The following TASOR variants were observed in gnomAD, a reference collection of about 807,000 sequenced individuals.
The protein encoded by TASOR is transcription activation suppressor, also known as protein TASOR.
In TASOR, 53 loss-of-function variants were observed where a neutral mutation model predicts 178.6. The observed-to-expected ratio is 0.30, with a 90% CI of 0.24 to 0.37. TASOR has a LOEUF of 0.37. TASOR is among the 10% of genes least tolerant of loss of function. TASOR has a pLI of 1.00. For missense variants in TASOR, 1,815 were observed against 1,971.4 expected (o/e 0.92, Z 1.50); for synonymous variants, 713 against 696.2 (o/e 1.02, Z -0.38).
chr3:56,668,025 T>G (rs1292281217), intron 6 of TASOR, among the ~76,000 whole-genome samples: 6 of 152,204 alleles, frequency 3.9e-5, no homozygotes, highest in African/African-American at 1.4e-4. Flanking sequence ...AACTTTACCT[T>G]GAAAGATGAG....
intron 20 of TASOR, 28 bp downstream of exon 20, chr3:56,627,550 GGAGT>G: frequency 5.0e-6 from 8 of 1,609,370 alleles, no homozygotes; most frequent in Non-Finnish European, 6.8e-6. Context: ...AGTCAGAAGA[GGAGT>G]TACGTGCTCA....
At chr3:56,671,172 C>T (rs977489028) in intron 3 of TASOR, among the ~76,000 whole-genome samples, 5 of 151,762 alleles carry the variant, frequency 3.3e-5, no homozygotes, top group African/African-American at 9.7e-5. Context: ...TACCCCGTCT[C>T]TACTAAAAAT....
intron 11 of TASOR, among the ~76,000 whole-genome samples, chr3:56,650,748 T>A (rs2077335008): frequency 6.6e-6 from 1 of 152,214 alleles, no homozygotes; most frequent in South Asian, 2.1e-4. Context: ...ATCATACTGC[T>A]GACATATAGT....
chr3:56,663,947 T>C (rs1297708676), intron 7 of TASOR: 1 of 777,642 alleles, frequency 1.3e-6, no homozygotes, highest in Non-Finnish European at 1.6e-6. Context: ...TAAGCTCTTA[T>C]TTACCAGGCA....
intron 11 of TASOR, among the ~76,000 whole-genome samples, chr3:56,658,746 A>C (rs1475723560): frequency 6.6e-6 from 1 of 152,180 alleles, no homozygotes; most frequent in Admixed American, 6.5e-5. Flanking sequence ...GTCTCTACTA[A>C]AAATACAAAA....
intron 8 of TASOR, among the ~76,000 whole-genome samples, chr3:56,663,052 C>T (rs1171432612): frequency 1.3e-5 from 2 of 151,814 alleles, no homozygotes; most frequent in South Asian, 2.1e-4. Flanking sequence ...TGGTGGTGGG[C>T]GCCTGTAATC....
At chr3:56,626,660 T>C (rs1037801329) in intron 21 of TASOR, among the ~76,000 whole-genome samples, 2 of 152,070 alleles carry the variant, frequency 1.3e-5, no homozygotes, top group South Asian at 2.1e-4. Flanking sequence ...GGAGAATTGC[T>C]TGAACCCAGG....
chr3:56,661,150 G>A, intron 9 of TASOR, 133 bp from the exon 10 acceptor site: 2 of 629,686 alleles, frequency 3.2e-6, no homozygotes, highest in Middle Eastern at 4.3e-4. Context: ...TTATTCTAAA[G>A]ATCTTTTGTT....
rs910356706 is a variant in TASOR, at chr3:56,621,878, T to C, written c.*1159A>G. On this transcript the variant is annotated 3_prime_UTR_variant, in exon 24 of 24. Coordinates refer to ENST00000683822, the MANE Select transcript of TASOR (RefSeq NM_001365635.2). ...TGTCACCACCTGGGTATTGAAGCCCTATAAAAACACTTTCTACTTACCTTA... is the reference window on the plus strand; with the variant it reads ...TGTCACCACCTGGGTATTGAAGCCCCATAAAAACACTTTCTACTTACCTTA... 9.8e-6 allele frequency: 2 copies of C among 203,564 alleles called. No individual in the cohort carries two copies. The highest frequency in any genetic ancestry group is 1.1e-4 in the Admixed American group (2 of 17,608). The allele number at this position is 203,564 out of a possible 1,614,324, so 12.6% of individuals were successfully genotyped here.
intron 8 of TASOR, among the ~76,000 whole-genome samples, chr3:56,663,044 G>C (rs2077631804): frequency 1.3e-5 from 2 of 152,066 alleles, no homozygotes; most frequent in African/African-American, 4.8e-5. Flanking sequence ...GCCGGGTGTG[G>C]TGGTGGGCGC....
chr3:56,650,684 C>G (rs939097009), intron 11 of TASOR, among the ~76,000 whole-genome samples: 2 of 152,080 alleles, frequency 1.3e-5, no homozygotes, highest in African/African-American at 2.4e-5. Context: ...GCTGAGGTGG[C>G]CTTGTTTCCT....
chr3:56,631,036 CA>C (rs2076901441), intron 18 of TASOR, among the ~76,000 whole-genome samples: 4 of 152,150 alleles, frequency 2.6e-5, no homozygotes, highest in Admixed American at 2.6e-4. Flanking sequence ...GCTATGCCCC[CA>C]AAGAGTACTG....
Position 56,623,199 on chromosome 3 carries a change from C to A in TASOR, c.4851G>T (p.Gln1617His), listed in dbSNP as rs755704056. 2 of 1,613,650 alleles carry A rather than the reference C, an allele frequency of 1.2e-6. No homozygotes were observed. The highest frequency in any genetic ancestry group is 2.2e-5 in the South Asian group (2 of 91,036). ...QFSHFNVLTH[Q>H]TFLGTPYALS... The stretch of plus-strand genomic sequence containing the variant: ...GGGCATATGGTGTCCCCAAAAATGT[C>A]TGATGAGTGAGAACATTAAAATGAC... The change falls in exon 24 of 24, where the codon CAG becomes CAT. Residue 1617 changes from glutamine (Q) to histidine (H), a missense_variant. Coordinates refer to ENST00000683822, the MANE Select transcript of TASOR (RefSeq NM_001365635.2).
At chr3:56,639,194 T>C (rs1280787652) in intron 16 of TASOR, among the ~76,000 whole-genome samples, 1 of 152,214 alleles carries the variant, frequency 6.6e-6, no homozygotes, top group African/African-American at 2.4e-5. Flanking sequence ...CAGCAGGTTC[T>C]AGTTTAGTTC....
Position 56,647,232 on chromosome 3 carries a change from A to AAAAC in TASOR, c.1514-13_1514-10dup. On this transcript the variant is annotated splice_polypyrimidine_tract_variant and intron_variant, in intron 13 of 23. Transcript: ENST00000683822. ...GGTTGAACCTTTTTGTGCTGTAAAT[A>AAAAC]AAACAAACAAACAAAAAAGCAAACC... The AAAAC allele has an allele frequency of 6.6e-7, 1 of 1,515,816 alleles. No individual in the cohort carries two copies. Among genetic ancestry groups the AAAAC allele is most frequent in the Non-Finnish European group, 8.8e-7 (1 of 1,138,864 alleles). 93.9% of individuals were successfully genotyped at this position (1,515,816 alleles called of 1,614,324 possible).
chr3:56,671,535 C>A, intron 3 of TASOR, 65 bp downstream of exon 3: 2 of 1,207,432 alleles, frequency 1.7e-6, no homozygotes, highest in Admixed American at 2.4e-5. Context: ...GTTGAATAAT[C>A]ACAAAATTAG....
chr3:56,641,620 C>T lies in TASOR; in HGVS notation c.2348G>A (p.Arg783His), dbSNP rs745553598. The change falls in exon 15 of 24, where the codon CGC (arginine) becomes CAC (histidine). Residue 783 changes from arginine (R) to histidine (H), a missense_variant. Physicochemically the swap from Arg to His is conservative, Grantham distance 29 (BLOSUM62 0). Around this residue, in one of 5 missense-constraint regions of TASOR, gnomAD observed 655 missense variants for 671.1 expected, o/e 0.98. Transcript: ENST00000683822. Reference sequence around the variant, plus strand: ...GTCTGTCAGAGATGCATCAGAATGGCGCGCATTTGCTAGTGTTTCTGATAA... The same window carrying T: ...GTCTGTCAGAGATGCATCAGAATGGTGCGCATTTGCTAGTGTTTCTGATAA... ...NWLSETLANA[R>H]HSDASLTDTV... The T allele has an allele frequency of 1.4e-5, 22 of 1,614,016 alleles. No individual in the cohort carries two copies. Among genetic ancestry groups the T allele is most frequent in the Middle Eastern group, 1.6e-4 (1 of 6,084 alleles).
chr3:56,648,623 C>A (rs2077284193), intron 13 of TASOR, among the ~76,000 whole-genome samples, 199 bp downstream of exon 13: 1 of 76,894 alleles, frequency 1.3e-5, no homozygotes, highest in Non-Finnish European at 2.3e-5. Flanking sequence ...AAGAGCAAAA[C>A]TCTGTATCAA....
In TASOR at chr3:56,670,940, C is replaced by CAAAAAAAAAA. The variant is rs11300845; in HGVS notation, c.570+650_570+659dup. 6.1e-3 allele frequency among the ~76,000 whole-genome samples: 332 copies of CAAAAAAAAAA among 54,174 alleles called. 16 individuals are homozygous for CAAAAAAAAAA. Among genetic ancestry groups the CAAAAAAAAAA allele is most frequent in the African/African-American group, 0.022 (302 of 13,562 alleles). 35.5% of individuals were successfully genotyped at this position (54,174 alleles called of 152,430 possible). On this transcript the variant is annotated intron_variant, in intron 3 of 23. Coordinates refer to ENST00000683822, the MANE Select transcript of TASOR (RefSeq NM_001365635.2). Reference sequence around the variant, plus strand: ...TGAGCAACAGAGTGAGACTCCATCTCAAAAAAAAAAAAAAAAAAAAAAGGA... The same window carrying CAAAAAAAAAA: ...TGAGCAACAGAGTGAGACTCCATCTCAAAAAAAAAAAAAAAAAAAAAAAAAAAAAAAAGGA...
Sources: allele counts gnomAD v4.1 joint callset (sites outside exome capture counted in the v4.1 genomes callset), GRCh38; gene constraint gnomAD v4.1.1; regional missense constraint gnomAD v4.1.1; transcripts MANE v1.5; gene names NCBI Gene and HGNC (gene_info 2026-07-23, HGNC 2026-07-21).